The following CTNNA2 variants were observed in gnomAD, a reference collection of about 807,000 sequenced individuals.
CTNNA2 encodes the protein catenin alpha 2.
CTNNA2 carries 42 observed loss-of-function variants against 101.0 expected under a neutral mutation model. The observed-to-expected ratio is 0.42, with a 90% CI of 0.32 to 0.54. CTNNA2 has a LOEUF of 0.54. CTNNA2 is among the 20% of genes least tolerant of loss of function. CTNNA2 has a pLI of 0.14. For synonymous variants in CTNNA2, 450 were observed against 456.4 expected, an observed-to-expected ratio of 0.99 and a Z score of 0.18; for missense variants, 871 against 1,223.1, an observed-to-expected ratio of 0.71 and a Z score of 4.29.
chr2:80,070,492 A>T (rs1056835953), intron 7 of CTNNA2, among the ~76,000 whole-genome samples: 1 of 152,078 alleles, frequency 6.6e-6, no homozygotes, highest in African/African-American at 2.4e-5. Context: ...GGATGTCTTG[A>T]GCCCAGGAGT....
In CTNNA2 at chr2:80,598,964, C is replaced by G. The variant is rs1462446083; in HGVS notation, c.2190-5110C>G. Among the ~76,000 whole-genome samples, 3 of 152,034 alleles carry G rather than the reference C, an allele frequency of 2.0e-5. No homozygotes were observed. In the South Asian group the frequency reaches 6.2e-4, roughly 32 times the overall value. ...TAGTAGTTACATGAAGCTATACTTA[C>G]ACAAGTGCATAAAAAATAGTGAAAG... On this transcript the variant is annotated intron_variant, in intron 15 of 18. Coordinates refer to ENST00000402739, the MANE Select transcript of CTNNA2 (RefSeq NM_001282597.3).
intron 7 of CTNNA2, among the ~76,000 whole-genome samples, chr2:80,087,252 AAAT>A (rs1699500737): frequency 6.6e-6 from 1 of 152,040 alleles, no homozygotes; most frequent in East Asian, 1.9e-4. Flanking sequence ...GAAATGAGTG[AAAT>A]AAAACTGAAA....
intron 4 of CTNNA2, among the ~76,000 whole-genome samples, chr2:79,492,179 T>G (rs996727575): frequency 6.6e-6 from 1 of 152,164 alleles, no homozygotes; most frequent in Admixed American, 6.6e-5. Flanking sequence ...ATATTTTTAG[T>G]AAATCTACAT....
intron 11 of CTNNA2, among the ~76,000 whole-genome samples, chr2:80,554,466 CA>C (rs1334326461): frequency 2.6e-5 from 4 of 152,044 alleles, no homozygotes; most frequent in African/African-American, 9.7e-5. Context: ...TGCTTATAAT[CA>C]ATAGAAATTT....
At chr2:80,138,179 G>A (rs1043409357) in intron 7 of CTNNA2, among the ~76,000 whole-genome samples, 2 of 152,164 alleles carry the variant, frequency 1.3e-5, no homozygotes, top group Non-Finnish European at 1.5e-5. Context: ...AGTGTCAACA[G>A]AGTGGTCTTA....
chr2:79,891,011 T>G (rs543102841), intron 6 of CTNNA2, among the ~76,000 whole-genome samples: 13 of 150,882 alleles, frequency 8.6e-5, no homozygotes, highest in African/African-American at 3.2e-4. Flanking sequence ...CTCTTAATAC[T>G]ATCACTTTGG....
chr2:79,782,834 A>T (rs951447739), intron 3 of CTNNA2, among the ~76,000 whole-genome samples: 1 of 152,174 alleles, frequency 6.6e-6, no homozygotes, highest in Non-Finnish European at 1.5e-5. Context: ...ATTTCCAAAA[A>T]AAAGGGAAGA....
chr2:80,469,552 T>C (rs1410452774), intron 9 of CTNNA2, among the ~76,000 whole-genome samples: 1 of 152,192 alleles, frequency 6.6e-6, no homozygotes, highest in East Asian at 1.9e-4. Context: ...AGACATTAGG[T>C]ACTAGTAGCT....
intron 2 of CTNNA2, among the ~76,000 whole-genome samples, chr2:79,311,285 A>T (rs6746670): frequency 0.086 from 13,040 of 151,732 alleles, 613 homozygotes; most frequent in African/African-American, 0.1. Flanking sequence ...GGCGGGCGCC[A>T]GTAGTCCCAG....
intron 3 of CTNNA2, among the ~76,000 whole-genome samples, chr2:79,323,559 A>G (rs770058023): frequency 6.6e-6 from 1 of 152,206 alleles, no homozygotes; most frequent in Non-Finnish European, 1.5e-5. Flanking sequence ...AAAACAAAAC[A>G]AACAAAAAAA....
intron 7 of CTNNA2, among the ~76,000 whole-genome samples, chr2:80,340,592 C>T (rs572191588): frequency 6.6e-6 from 1 of 152,154 alleles, no homozygotes; most frequent in Non-Finnish European, 1.5e-5. Flanking sequence ...GCCCTTTAGC[C>T]ATACAATGAT....
At chr2:79,208,437 A>G (rs1454410666) in intron 2 of CTNNA2, among the ~76,000 whole-genome samples, 1 of 152,200 alleles carries the variant, frequency 6.6e-6, no homozygotes, top group African/African-American at 2.4e-5. Flanking sequence ...AGCTAAATCT[A>G]TATTCCTGTT....
At chr2:79,836,178 C>G (rs1679353196) in intron 3 of CTNNA2, among the ~76,000 whole-genome samples, 1 of 152,158 alleles carries the variant, frequency 6.6e-6, no homozygotes, top group South Asian at 2.1e-4. Flanking sequence ...GTCTCTCTTC[C>G]TCACCACACA....
At chr2:79,427,716 C>T (rs1399907700) in intron 4 of CTNNA2, among the ~76,000 whole-genome samples, 1 of 151,796 alleles carries the variant, frequency 6.6e-6, no homozygotes, top group Non-Finnish European at 1.5e-5. Context: ...GGGCATCTTA[C>T]ACTCCTGGTT....
chr2:80,303,408 TG>T lies in CTNNA2; in HGVS notation c.1057-89800del. On this transcript the variant is annotated intron_variant, in intron 7 of 18. Coordinates refer to ENST00000402739, the MANE Select transcript of CTNNA2 (RefSeq NM_001282597.3). The surrounding 1 kb of genome is among the most constrained non-coding windows in gnomAD (Gnocchi z 7.7). ...TACGAGAGGTCCACGCTGCGCAGGTTGGGCATGGGCCGGAAGGTGGTGTTGG... is the reference window on the plus strand; with the variant it reads ...TACGAGAGGTCCACGCTGCGCAGGTTGGCATGGGCCGGAAGGTGGTGTTGG... 1 of 1,614,176 alleles carries T rather than the reference TG, an allele frequency of 6.2e-7. No individual in the cohort carries two copies. The highest frequency in any genetic ancestry group is 8.5e-7 in the Non-Finnish European group (1 of 1,180,028).
At chr2:80,257,119 A>G (rs1290894278) in intron 7 of CTNNA2, among the ~76,000 whole-genome samples, 1 of 152,144 alleles carries the variant, frequency 6.6e-6, no homozygotes, top group Non-Finnish European at 1.5e-5. Context: ...TTACAAGGGC[A>G]TTTTATAGTC....
At chr2:79,232,467 C>T (rs1342778748) in intron 2 of CTNNA2, among the ~76,000 whole-genome samples, 1 of 151,960 alleles carries the variant, frequency 6.6e-6, no homozygotes, top group Non-Finnish European at 1.5e-5. Flanking sequence ...TGTCGAGTAC[C>T]TATGTTCATC....
intron 2 of CTNNA2, among the ~76,000 whole-genome samples, chr2:79,252,509 T>C (rs937550323): frequency 1.2e-4 from 18 of 152,178 alleles, no homozygotes; most frequent in African/African-American, 4.3e-4. Context: ...TGTATAGGTA[T>C]AACTTGATTT....
At chr2:80,354,773 C>G (rs1231018811) in intron 7 of CTNNA2, among the ~76,000 whole-genome samples, 1 of 152,024 alleles carries the variant, frequency 6.6e-6, no homozygotes, top group Non-Finnish European at 1.5e-5. Context: ...ATCAGTGTTT[C>G]TCAAACTCAG....
Sources: allele counts gnomAD v4.1 joint callset (sites outside exome capture counted in the v4.1 genomes callset), GRCh38; gene constraint gnomAD v4.1.1; non-coding constraint Gnocchi (gnomAD v3.1); transcripts MANE v1.5; gene names NCBI Gene and HGNC (gene_info 2026-07-23, HGNC 2026-07-21).